Variants in SNX29 observed in about 807,000 individuals in gnomAD.
SNX29 encodes sorting nexin-29.
In SNX29, 78 loss-of-function variants were observed where a neutral mutation model predicts 102.1. The observed-to-expected ratio is 0.76, with a 90% CI of 0.64 to 0.92. The LOEUF is 0.92. Ranked by LOEUF, SNX29 falls within the 40% of genes least tolerant of loss-of-function variation. The pLI, the probability that SNX29 is intolerant of heterozygous loss-of-function variation, is 0.00. For missense variants in SNX29, 1,280 were observed against 1,061.7 expected (o/e 1.21, Z -2.86); for synonymous variants, 580 against 414.5 (o/e 1.40, Z -4.85).
chr16:12,273,342 G>GTTTTTTT (rs59985462), intron 14 of SNX29, among the ~76,000 whole-genome samples: 1 of 145,048 alleles, frequency 6.9e-6, no homozygotes. Flanking sequence ...TTTGTTTTTT[G>GTTTTTTT]TTTTTTTTTT....
intron 10 of SNX29, among the ~76,000 whole-genome samples, chr16:12,071,629 G>A (rs2051306113): frequency 6.6e-6 from 1 of 152,234 alleles, no homozygotes; most frequent in East Asian, 1.9e-4. Context: ...GTTCTTTTTG[G>A]CTTAGGATTG....
At chr16:12,521,020 A>G (rs927066564) in intron 19 of SNX29, among the ~76,000 whole-genome samples, 18 of 152,170 alleles carry the variant, frequency 1.2e-4, no homozygotes, top group African/African-American at 4.3e-4. Context: ...ACTAGTAAAA[A>G]TACAAAAATT....
In SNX29 at chr16:12,574,134, A is replaced by G. The variant is rs548811520; in HGVS notation, c.*5505A>G. On this transcript the variant is annotated 3_prime_UTR_variant, in exon 21 of 21. Coordinates refer to ENST00000566228, the MANE Select transcript of SNX29 (RefSeq NM_032167.5). ...CCTCTTATGTTAAGGTTTACATAAT[A>G]GGATTTTTAAACAAATGTGTTTAAT... The G allele has an allele frequency of 5.4e-6, 1 of 183,508 alleles. No individual in the cohort carries two copies. Among genetic ancestry groups the G allele is most frequent in the Non-Finnish European group, 1.2e-5 (1 of 86,258 alleles). 11.4% of individuals were successfully genotyped at this position (183,508 alleles called of 1,614,324 possible). A position where few individuals can be genotyped will look rare whatever the true frequency, so the allele number is the denominator to read the frequency against.
chr16:12,058,819 T>G (rs867798488), intron 8 of SNX29, among the ~76,000 whole-genome samples: 3,056 of 145,612 alleles, frequency 0.021, 140 homozygotes, highest in African/African-American at 0.074. Flanking sequence ...TTTTTTTTTT[T>G]TTTTTCTCTG....
At chr16:12,417,188 A>G (rs1222631176) in intron 18 of SNX29, among the ~76,000 whole-genome samples, 1 of 152,128 alleles carries the variant, frequency 6.6e-6, no homozygotes, top group Non-Finnish European at 1.5e-5. Context: ...CTGTTTATGA[A>G]ACTTGCATTT....
At chr16:12,559,843 A>G (rs1289321637) in intron 20 of SNX29, among the ~76,000 whole-genome samples, 1 of 152,178 alleles carries the variant, frequency 6.6e-6, no homozygotes, top group Admixed American at 6.5e-5. Flanking sequence ...TTCTAATGCC[A>G]GACTGCTTTG....
chr16:12,554,950 A>C (rs369290754), intron 20 of SNX29, among the ~76,000 whole-genome samples: 11 of 149,158 alleles, frequency 7.4e-5, no homozygotes, highest in African/African-American at 2.6e-4. Flanking sequence ...CCTCTGGAGA[A>C]AACAATGGAG....
intron 14 of SNX29, among the ~76,000 whole-genome samples, chr16:12,273,823 G>A (rs1157677518): frequency 1.3e-5 from 2 of 152,260 alleles, no homozygotes; most frequent in East Asian, 3.9e-4. Context: ...TTTCGTGTAC[G>A]TGGGCTCAGG....
At chr16:12,143,389 G>A (rs1379688178) in intron 13 of SNX29, among the ~76,000 whole-genome samples, 1 of 151,014 alleles carries the variant, frequency 6.6e-6, no homozygotes, top group African/African-American at 2.4e-5. Context: ...GTATGGGGCA[G>A]GTGTGGACTT....
In SNX29 at chr16:12,179,497, C is replaced by G. The variant is rs569238359; in HGVS notation, c.1596-20104C>G. Among the ~76,000 whole-genome samples the G allele has an allele frequency of 2.6e-5, 4 of 152,342 alleles. No individual in the cohort carries two copies. In the South Asian group the frequency reaches 8.3e-4, roughly 32 times the overall value. ...AGACCCTGTCTCAAAAACAGACAAACTGGCATATGTTTCCCTGTTTTCTTC... is the reference window on the plus strand; with the variant it reads ...AGACCCTGTCTCAAAAACAGACAAAGTGGCATATGTTTCCCTGTTTTCTTC... On this transcript the variant is annotated intron_variant, in intron 13 of 20. Transcript: ENST00000566228.
Position 12,561,922 on chromosome 16 carries a change from C to A in SNX29, c.2319-6584C>A, listed in dbSNP as rs559330739. ...CAGGAGTTCCTTCTCCAGTTGCCTT[C>A]CAGGTGAGCTTAGAGCCAGGTGCAT... On this transcript the variant is annotated intron_variant, in intron 20 of 20. Coordinates refer to ENST00000566228, the MANE Select transcript of SNX29 (RefSeq NM_032167.5). 2.1e-3 allele frequency among the ~76,000 whole-genome samples: 320 copies of A among 152,256 alleles called. 1 individual carries two copies. The highest frequency in any genetic ancestry group is 7.4e-3 in the African/African-American group (307 of 41,552).
chr16:12,291,858 G>A (rs1453057171), intron 15 of SNX29, among the ~76,000 whole-genome samples: 1 of 152,244 alleles, frequency 6.6e-6, no homozygotes, highest in Admixed American at 6.5e-5. Flanking sequence ...TCAGTGCTCA[G>A]TGCATGAATG....
rs560970425 is a variant in SNX29 at position 12,098,091 on chromosome 16, C to A, written c.1402+19176C>A. Among the ~76,000 whole-genome samples the A allele has an allele frequency of 4.6e-5, 7 of 152,358 alleles. No individual in the cohort carries two copies. Among genetic ancestry groups the A allele is most frequent in the African/African-American group, 1.2e-4 (5 of 41,582 alleles). On this transcript the variant is annotated intron_variant, in intron 11 of 20. Transcript: ENST00000566228. This position sits in a 1 kb window ranked among gnomAD's most constrained non-coding sequence, Gnocchi z 6.0. ...GCACTTGCCATGTGCAGTGCCCGCA[C>A]ACGCTGGGCCCAGAGGACGCTCAGT... is the stretch of plus-strand genomic sequence containing the variant.
chr16:12,068,759 G>A (rs1048425477), intron 9 of SNX29, among the ~76,000 whole-genome samples: 8 of 152,068 alleles, frequency 5.3e-5, no homozygotes, highest in Non-Finnish European at 1.5e-5. Flanking sequence ...TGGCCAGGCC[G>A]GTCTCGAACT....
intron 20 of SNX29, among the ~76,000 whole-genome samples, chr16:12,533,250 T>TC (rs763359176): frequency 5.9e-5 from 9 of 152,340 alleles, no homozygotes; most frequent in South Asian, 2.1e-4. Flanking sequence ...CAGCTGATTC[T>TC]CCTGTGGAGT....
intron 4 of SNX29, among the ~76,000 whole-genome samples, chr16:12,034,753 G>A (rs2057428656): frequency 6.6e-6 from 1 of 152,350 alleles, no homozygotes; most frequent in South Asian, 2.1e-4. Context: ...ACTCAGGCTT[G>A]TAATCCCAGC....
intron 1 of SNX29, among the ~76,000 whole-genome samples, chr16:11,993,222 G>A (rs1395153000): frequency 6.6e-6 from 1 of 151,640 alleles, no homozygotes; most frequent in East Asian, 1.9e-4. Flanking sequence ...TGATTAAGGG[G>A]CTTGACCTCT....
Position 12,572,989 on chromosome 16 carries a change from C to T in SNX29, c.*4360C>T, listed in dbSNP as rs549567556. On this transcript the variant is annotated 3_prime_UTR_variant, in exon 21 of 21. Coordinates refer to ENST00000566228, the MANE Select transcript of SNX29 (RefSeq NM_032167.5). ...TTTTTCAAAATATTGTGCATTAATTCATTAAAGCTACTGTTAAATATTTGC... is the reference window on the plus strand; with the variant it reads ...TTTTTCAAAATATTGTGCATTAATTTATTAAAGCTACTGTTAAATATTTGC... The T allele has an allele frequency of 5.3e-6, 2 of 374,818 alleles. No homozygotes were observed. The highest frequency in any genetic ancestry group is 4.2e-5 in the African/African-American group (2 of 47,746). The allele number at this position is 374,818 out of a possible 1,614,324, so 23.2% of individuals were successfully genotyped here.
chr16:12,031,259 A>G (rs950083451), intron 4 of SNX29, among the ~76,000 whole-genome samples: 3 of 151,542 alleles, frequency 2.0e-5, no homozygotes, highest in Non-Finnish European at 4.4e-5. Flanking sequence ...TTTGGTAGAG[A>G]TGGGGTTTCC....
Sources: allele counts gnomAD v4.1 joint callset (sites outside exome capture counted in the v4.1 genomes callset), GRCh38; gene constraint gnomAD v4.1.1; non-coding constraint Gnocchi (gnomAD v3.1); transcripts MANE v1.5; gene names NCBI Gene and HGNC (gene_info 2026-07-23, HGNC 2026-07-21).